Variants in GALNT13 observed in about 807,000 individuals in gnomAD.
GALNT13 encodes the protein polypeptide N-acetylgalactosaminyltransferase 13, also known as UDP-GalNAc:polypeptide N-acetylgalactosaminyltransferase 13.
In GALNT13, 28 loss-of-function variants were observed where a neutral mutation model predicts 64.2. The ratio of observed to expected loss-of-function variants is 0.44; its 90% CI spans 0.32 to 0.60. The LOEUF (loss-of-function observed/expected upper bound fraction) is 0.60, where lower values mean the gene tolerates loss of function less well. Ranked by LOEUF, GALNT13 falls within the 20% of genes least tolerant of loss-of-function variation. GALNT13 has a pLI of 0.05. For missense variants in GALNT13, 577 were observed against 669.8 expected, an observed-to-expected ratio of 0.86 and a Z score of 1.53; for synonymous variants, 214 against 224.6, an observed-to-expected ratio of 0.95 and a Z score of 0.42.
chr2:153,398,059 C>G, the GALNT13 span, among the ~76,000 whole-genome samples: 1 of 150,544 alleles, frequency 6.6e-6, no homozygotes, highest in Admixed American at 6.6e-5. Flanking sequence ...TCTCGCAATG[C>G]TATCCCTCCC....
At chr2:153,609,270 A>G in the GALNT13 span, among the ~76,000 whole-genome samples, 1 of 152,104 alleles carries the variant, frequency 6.6e-6, no homozygotes, top group Non-Finnish European at 1.5e-5. Context: ...ATTTTGAAGT[A>G]TAATTTTTTT....
the GALNT13 span, among the ~76,000 whole-genome samples, chr2:153,291,608 C>T: frequency 6.6e-6 from 1 of 152,112 alleles, no homozygotes; most frequent in Admixed American, 6.6e-5. Context: ...GCGGCTCCTG[C>T]TTCTTGAGAT....
At chr2:153,147,388 A>G in the GALNT13 span, among the ~76,000 whole-genome samples, 1 of 151,814 alleles carries the variant, frequency 6.6e-6, no homozygotes, top group South Asian at 2.1e-4. Context: ...AAAACAGCAA[A>G]GTTAAGGATT....
At chr2:153,705,395 TAAAAAAA>T in the GALNT13 span, among the ~76,000 whole-genome samples, 2 of 137,036 alleles carry the variant, frequency 1.5e-5, no homozygotes, top group Non-Finnish European at 3.2e-5. Context: ...GTACCACTGT[TAAAAAAA>T]AAAAAAAAGT....
At chr2:153,504,825 A>G in the GALNT13 span, among the ~76,000 whole-genome samples, 11 of 152,100 alleles carry the variant, frequency 7.2e-5, no homozygotes, top group African/African-American at 2.7e-4. Flanking sequence ...TTCATTAGGG[A>G]TATTGGTCTG....
chr2:153,485,078 A>G, the GALNT13 span, among the ~76,000 whole-genome samples: 2 of 152,242 alleles, frequency 1.3e-5, no homozygotes, highest in Admixed American at 1.3e-4. Flanking sequence ...GTTGCATGTT[A>G]GTATTGTAGT....
rs182932452 is a variant in GALNT13, at chr2:154,280,743, A to T, written c.976-20666A>T. On this transcript the variant is annotated intron_variant, in intron 8 of 12. Transcript: ENST00000392825. ...AGGGGACTGGTTTGGCATGAATTCT[A>T]GGGCAGCGTCACGCAGCTGTCATGA... Among the ~76,000 whole-genome samples, 134 of 152,308 alleles carry T rather than the reference A, an allele frequency of 8.8e-4. 3 individuals carry two copies. In the East Asian group the frequency reaches 0.019, roughly 22 times the overall value.
At chr2:154,253,487 A>G (rs1224311689) in intron 7 of GALNT13, among the ~76,000 whole-genome samples, 5 of 152,182 alleles carry the variant, frequency 3.3e-5, no homozygotes, top group East Asian at 1.9e-4. Flanking sequence ...ACAAAGCTTC[A>G]TATCTTAAAT....
intron 9 of GALNT13, among the ~76,000 whole-genome samples, chr2:154,311,767 G>A (rs947379148): frequency 3.0e-4 from 46 of 152,118 alleles, no homozygotes; most frequent in African/African-American, 8.0e-4. Context: ...CCCTGGGGGG[G>A]CCAGTTCAGA....
chr2:153,654,355 T>C, the GALNT13 span, among the ~76,000 whole-genome samples: 1 of 152,120 alleles, frequency 6.6e-6, no homozygotes, highest in Non-Finnish European at 1.5e-5. Context: ...AAAAATTGTA[T>C]CATGGCAAAA....
chr2:153,114,995 T>C, the GALNT13 span, among the ~76,000 whole-genome samples: 2 of 151,892 alleles, frequency 1.3e-5, no homozygotes, highest in East Asian at 3.9e-4. Context: ...CTTTGTAAGA[T>C]AGGGGCAATA....
chr2:153,719,287 A>G, the GALNT13 span, among the ~76,000 whole-genome samples: 26 of 152,318 alleles, frequency 1.7e-4, no homozygotes, highest in Admixed American at 5.2e-4. Flanking sequence ...TAACTTATCT[A>G]TAGTCCCCTC....
At chr2:153,127,301 C>T in the GALNT13 span, among the ~76,000 whole-genome samples, 7 of 152,094 alleles carry the variant, frequency 4.6e-5, no homozygotes, top group South Asian at 2.1e-4. Context: ...CTGAGAAATT[C>T]GAGGCATTTG....
chr2:153,352,756 T>C, the GALNT13 span, among the ~76,000 whole-genome samples: 5 of 152,252 alleles, frequency 3.3e-5, no homozygotes, highest in South Asian at 1.0e-3. Context: ...AAAGACCTGT[T>C]GACTATATTT....
chr2:154,293,282 A>C (rs542125496), intron 8 of GALNT13, among the ~76,000 whole-genome samples: 1 of 152,304 alleles, frequency 6.6e-6, no homozygotes, highest in African/African-American at 2.4e-5. Context: ...TTCAGGGAAT[A>C]AAATGCGGTA....
the GALNT13 span, among the ~76,000 whole-genome samples, chr2:153,651,385 C>G: frequency 6.6e-6 from 1 of 152,104 alleles, no homozygotes; most frequent in African/African-American, 2.4e-5. Flanking sequence ...TATGGAGCAA[C>G]TGTTGTTACT....
the GALNT13 span, among the ~76,000 whole-genome samples, chr2:153,412,302 C>T: frequency 8.5e-5 from 13 of 152,278 alleles, no homozygotes; most frequent in South Asian, 1.5e-3. Flanking sequence ...TCACCTCCGT[C>T]ACTTACTAGC....
the GALNT13 span, among the ~76,000 whole-genome samples, chr2:153,823,258 G>A: frequency 6.6e-6 from 1 of 152,078 alleles, no homozygotes; most frequent in East Asian, 1.9e-4. Context: ...ATTTTTCACA[G>A]AAATAGAAAA....
At chr2:154,174,642 A>G (rs1390432745) in intron 4 of GALNT13, among the ~76,000 whole-genome samples, 1 of 152,182 alleles carries the variant, frequency 6.6e-6, no homozygotes, top group East Asian at 1.9e-4. Flanking sequence ...AGGTTTACTT[A>G]AAGATATAAC....
Sources: allele counts gnomAD v4.1 joint callset (sites outside exome capture counted in the v4.1 genomes callset), GRCh38; gene constraint gnomAD v4.1.1; transcripts MANE v1.5; gene names NCBI Gene and HGNC (gene_info 2026-07-23, HGNC 2026-07-21).